PITPNC1: variants seen among roughly 807,000 people sequenced by gnomAD.
The protein encoded by PITPNC1 is cytoplasmic phosphatidylinositol transfer protein 1.
PITPNC1 carries 18 observed loss-of-function variants against 44.7 expected under a neutral mutation model. That is an observed-to-expected ratio of 0.40 (90% CI 0.28 to 0.60). The LOEUF (loss-of-function observed/expected upper bound fraction) is 0.60, where lower values mean the gene tolerates loss of function less well. Ranked by LOEUF, PITPNC1 falls within the 20% of genes least tolerant of loss-of-function variation. PITPNC1 has a pLI of 0.39. For missense variants in PITPNC1, 290 were observed against 418.4 expected (o/e 0.69, Z 2.68); for synonymous variants, 141 against 149.6 (o/e 0.94, Z 0.42).
rs1257608009 is a variant in PITPNC1, at chr17:67,597,626, T to C, written c.366+19369T>C. On this transcript the variant is annotated intron_variant, in intron 5 of 8. Transcript: ENST00000581322. The surrounding 1 kb of genome is among the most constrained non-coding windows in gnomAD (Gnocchi z 4.0). ...TTTGTGTTAAGTTCCTAGTGGAAAT[T>C]TGAGAAGTCCTTTATTTTACATTTA... Among the ~76,000 whole-genome samples the C allele has an allele frequency of 6.6e-6, 1 of 152,218 alleles. No homozygotes were observed. Among genetic ancestry groups the C allele is most frequent in the Non-Finnish European group, 1.5e-5 (1 of 68,042 alleles).
chr17:67,626,228 C>T (rs756373553), intron 5 of PITPNC1, among the ~76,000 whole-genome samples: 1 of 151,634 alleles, frequency 6.6e-6, no homozygotes, highest in South Asian at 2.1e-4. Context: ...TTAAGCCATC[C>T]TTGCACTTTG....
Position 67,597,260 on chromosome 17 carries a change from T to G in PITPNC1, c.366+19003T>G, listed in dbSNP as rs1370470306. 1.3e-5 allele frequency among the ~76,000 whole-genome samples: 2 copies of G among 152,046 alleles called. No homozygotes were observed. The highest frequency in any genetic ancestry group is 2.4e-5 in the African/African-American group (1 of 41,386). ...ATCATAGATGTTCAGTAAATATCAA[T>G]TATCTTCCTCAGGCTGAGCATGGTG... On this transcript the variant is annotated intron_variant, in intron 5 of 8. Transcript: ENST00000581322. This position sits in a 1 kb window ranked among gnomAD's most constrained non-coding sequence, Gnocchi z 4.0.
chr17:67,661,258 G>A (rs977093770), intron 6 of PITPNC1, among the ~76,000 whole-genome samples: 2 of 151,978 alleles, frequency 1.3e-5, no homozygotes, highest in African/African-American at 4.8e-5. Context: ...AATTAATAGA[G>A]AAGATTCAGA....
chr17:67,515,434 C>T (rs9908926), intron 1 of PITPNC1, among the ~76,000 whole-genome samples: 55,756 of 151,958 alleles, frequency 0.37, 10,579 homozygotes, highest in East Asian at 0.72. Flanking sequence ...TAGACAGGAA[C>T]TTAGATTGTA....
chr17:67,402,600 T>C (rs78406925), intron 1 of PITPNC1, among the ~76,000 whole-genome samples: 242 of 149,594 alleles, frequency 1.6e-3, no homozygotes, highest in African/African-American at 5.5e-3. Flanking sequence ...GCCGTAACCA[T>C]AGGACTTTGA....
chr17:67,433,510 G>A (rs146188287), intron 1 of PITPNC1, among the ~76,000 whole-genome samples: 65 of 152,262 alleles, frequency 4.3e-4, no homozygotes, highest in African/African-American at 1.5e-3. Flanking sequence ...AGGCCGAGGA[G>A]GGCGGATCCC....
intron 1 of PITPNC1, among the ~76,000 whole-genome samples, chr17:67,399,491 C>T (rs1201439459): frequency 6.6e-6 from 1 of 152,156 alleles, no homozygotes; most frequent in Non-Finnish European, 1.5e-5. Flanking sequence ...GTTGTCTCCG[C>T]TGCTTTACCA....
At chr17:67,401,774 C>T (rs1171573284) in intron 1 of PITPNC1, among the ~76,000 whole-genome samples, 2 of 151,490 alleles carry the variant, frequency 1.3e-5, no homozygotes, top group African/African-American at 4.9e-5. Flanking sequence ...ACCCAGGAGG[C>T]GGAGGTTGCA....
intron 1 of PITPNC1, among the ~76,000 whole-genome samples, chr17:67,407,424 G>A (rs1328728417): frequency 6.6e-6 from 1 of 152,024 alleles, no homozygotes; most frequent in Non-Finnish European, 1.5e-5. Flanking sequence ...TCAAATATTT[G>A]ATTTGCAAAT....
At chr17:67,482,491 A>T (rs1568008120) in intron 1 of PITPNC1, among the ~76,000 whole-genome samples, 1 of 152,218 alleles carries the variant, frequency 6.6e-6, no homozygotes, top group Non-Finnish European at 1.5e-5. Flanking sequence ...TCTGGAGTTT[A>T]GGTTAGTAGA....
intron 5 of PITPNC1, among the ~76,000 whole-genome samples, chr17:67,631,124 G>A (rs903988314): frequency 8.0e-5 from 12 of 149,242 alleles, no homozygotes; most frequent in Non-Finnish European, 1.2e-4. Context: ...TTCTGGGCCA[G>A]TGAAACCTAG....
chr17:67,383,211 G>A (rs538066221), intron 1 of PITPNC1, among the ~76,000 whole-genome samples: 2 of 151,102 alleles, frequency 1.3e-5, no homozygotes, highest in Non-Finnish European at 3.0e-5. Context: ...TGGTCAGGCT[G>A]GTCTCGAACT....
chr17:67,410,641 C>G (rs2038481468), intron 1 of PITPNC1, among the ~76,000 whole-genome samples: 1 of 152,006 alleles, frequency 6.6e-6, no homozygotes, highest in Non-Finnish European at 1.5e-5. Context: ...CCACCTTGGC[C>G]TCCCAAAGCA....
intron 6 of PITPNC1, among the ~76,000 whole-genome samples, chr17:67,650,410 A>T (rs956467185): frequency 2.7e-5 from 4 of 149,634 alleles, no homozygotes; most frequent in African/African-American, 9.9e-5. Context: ...CCCAGTTCCT[A>T]AAAGGCATCC....
intron 1 of PITPNC1, among the ~76,000 whole-genome samples, chr17:67,385,319 A>G (rs1278952660): frequency 6.6e-6 from 1 of 152,198 alleles, no homozygotes; most frequent in Non-Finnish European, 1.5e-5. Flanking sequence ...CGCACCAATC[A>G]GCTCTCTGTG....
At chr17:67,602,079 T>C (rs189771311) in intron 5 of PITPNC1, among the ~76,000 whole-genome samples, 35 of 152,294 alleles carry the variant, frequency 2.3e-4, no homozygotes, top group African/African-American at 8.2e-4. Context: ...TTGGGAAATG[T>C]TGAATGAGTG....
chr17:67,532,914 A>G lies in PITPNC1; in HGVS notation c.161A>G (p.Asn54Ser). ...NEPFEDPHHG[N>S]GQFTEKRVYL... ...CCCTTTGAGGACCCTCACCATGGCA[A>G]TGGGCAGTTCACCGAGAAGCGGGTG... The change falls in exon 2 of 9, where the codon AAT (asparagine) becomes AGT (serine). Residue 54 changes from asparagine to serine, a missense_variant. Physicochemically the swap from Asn to Ser is conservative, Grantham distance 46 (BLOSUM62 1). Coordinates refer to ENST00000581322, the MANE Select transcript of PITPNC1 (RefSeq NM_012417.4). 1 of 1,611,308 alleles carries G rather than the reference A, an allele frequency of 6.2e-7. No individual in the cohort carries two copies. The highest frequency in any genetic ancestry group is 8.5e-7 in the Non-Finnish European group (1 of 1,179,196).
rs975394926 is a variant in PITPNC1 at position 67,620,732 on chromosome 17, G to C, written c.367-11411G>C. Among the ~76,000 whole-genome samples, 3 of 152,190 alleles carry C rather than the reference G, an allele frequency of 2.0e-5. No homozygotes were observed. The East Asian group carries it at 5.8e-4, about 29-fold the overall frequency. ...GTTTACCCAGCAGCTAAGACGATCC[G>C]GCCTAACCCTGATGGATGAGTTTCC... On this transcript the variant is annotated intron_variant, in intron 5 of 8. Transcript: ENST00000581322.
intron 6 of PITPNC1, among the ~76,000 whole-genome samples, chr17:67,656,206 C>T (rs1470149674): frequency 2.0e-5 from 3 of 152,220 alleles, no homozygotes; most frequent in Non-Finnish European, 4.4e-5. Context: ...GTCTGGACCT[C>T]ATCCCGAGGT....
Sources: gnomAD v4.1 joint callset for allele counts (sites outside exome capture counted in the v4.1 genomes callset) on GRCh38, gnomAD v4.1.1 for gene constraint, Gnocchi (gnomAD v3.1) non-coding constraint, MANE v1.5 for transcripts, NCBI Gene and HGNC (gene_info 2026-07-23, HGNC 2026-07-21) for gene names.